PKIB: variants seen among roughly 807,000 people sequenced by gnomAD.
The protein encoded by PKIB is cAMP-dependent protein kinase inhibitor beta.
PKIB carries 2 observed loss-of-function variants against 4.5 expected under a neutral mutation model. The ratio of observed to expected loss-of-function variants is 0.44; its 90% CI spans 0.18 to 1.39. PKIB has a LOEUF of 1.39. Among genes scored for constraint, PKIB ranks in the 40% most tolerant of loss-of-function variants. The pLI is 0.27. For missense variants in PKIB, 94 were observed against 92.6 expected, an observed-to-expected ratio of 1.02 and a Z score of -0.06; for synonymous variants, 38 against 36.0, an observed-to-expected ratio of 1.06 and a Z score of -0.20.
rs113616170 is a variant in PKIB at position 122,725,363 on chromosome 6, A to G, written c.*168A>G. The G allele has an allele frequency of 1.7e-6, 1 of 602,476 alleles. No homozygotes were observed. The allele number at this position is 602,476 out of a possible 1,614,324, so 37.3% of individuals were successfully genotyped here. ...GATGCTACTCACTTTGATTGCAATGATGATGTCCAAGGTAAGCTATTAAAA... is the reference window on the plus strand; with the variant it reads ...GATGCTACTCACTTTGATTGCAATGGTGATGTCCAAGGTAAGCTATTAAAA... On this transcript the variant is annotated 3_prime_UTR_variant, in exon 5 of 5. Coordinates refer to ENST00000368452, the MANE Select transcript of PKIB (RefSeq NM_181795.3).
At chr6:122,601,925 G>A (rs920696401) in intron 3 of PKIB, among the ~76,000 whole-genome samples, 1 of 151,908 alleles carries the variant, frequency 6.6e-6, no homozygotes, top group Non-Finnish European at 1.5e-5. Flanking sequence ...TTGTTTAAGG[G>A]TCACCTGTAG....
chr6:122,523,614 C>G (rs1777012119), intron 2 of PKIB, among the ~76,000 whole-genome samples: 1 of 152,060 alleles, frequency 6.6e-6, no homozygotes, highest in Non-Finnish European at 1.5e-5. Flanking sequence ...GAAAACCCAT[C>G]TCTACTAAAA....
At chr6:122,502,327 T>G (rs761898942) in intron 2 of PKIB, among the ~76,000 whole-genome samples, 70 of 152,124 alleles carry the variant, frequency 4.6e-4, no homozygotes, top group Non-Finnish European at 9.9e-4. Context: ...ACCAATTTTC[T>G]GTAGTAGTCT....
At chr6:122,600,205 T>C (rs943265008) in intron 3 of PKIB, among the ~76,000 whole-genome samples, 3 of 152,092 alleles carry the variant, frequency 2.0e-5, no homozygotes, top group African/African-American at 7.2e-5. Context: ...GGGAGAAAGA[T>C]GTAGGCTGGG....
intron 2 of PKIB, among the ~76,000 whole-genome samples, chr6:122,491,937 T>C (rs1382156047): frequency 6.6e-6 from 1 of 152,216 alleles, no homozygotes; most frequent in Non-Finnish European, 1.5e-5. Flanking sequence ...TTTAGTTATA[T>C]GTTAGAATTA....
intron 2 of PKIB, among the ~76,000 whole-genome samples, chr6:122,564,508 T>A (rs1404327872): frequency 6.6e-6 from 1 of 152,212 alleles, no homozygotes; most frequent in Non-Finnish European, 1.5e-5. Context: ...AGTGGTTTAT[T>A]TGTTTAACCA....
intron 3 of PKIB, among the ~76,000 whole-genome samples, chr6:122,715,764 G>A (rs1265418130): frequency 6.6e-6 from 1 of 151,666 alleles, no homozygotes; most frequent in Non-Finnish European, 1.5e-5. Flanking sequence ...AATAAAGGCA[G>A]AATCTAAAGT....
chr6:122,600,465 GAAC>G (rs1027437354), intron 3 of PKIB, among the ~76,000 whole-genome samples: 1 of 152,100 alleles, frequency 6.6e-6, no homozygotes, highest in Non-Finnish European at 1.5e-5. Flanking sequence ...GGAGCATAGG[GAAC>G]AACAAGAAAA....
At chr6:122,651,487 C>T (rs925559071) in intron 2 of PKIB, among the ~76,000 whole-genome samples, 7 of 152,116 alleles carry the variant, frequency 4.6e-5, no homozygotes, top group Non-Finnish European at 7.4e-5. Context: ...CTTTAGGCAA[C>T]GCAGAGTTAA....
At chr6:122,695,603 A>T (rs967874421) in intron 3 of PKIB, among the ~76,000 whole-genome samples, 4 of 152,144 alleles carry the variant, frequency 2.6e-5, no homozygotes, top group Non-Finnish European at 4.4e-5. Context: ...TGATTCAGGC[A>T]TATTGTAGAT....
chr6:122,670,730 T>C (rs564936081), intron 2 of PKIB, among the ~76,000 whole-genome samples: 1 of 152,316 alleles, frequency 6.6e-6, no homozygotes, highest in Non-Finnish European at 1.5e-5. Context: ...TTCATTTGAG[T>C]TGGTGGACAG....
At chr6:122,671,907 G>GA (rs1224875415) in intron 2 of PKIB, among the ~76,000 whole-genome samples, 1 of 151,946 alleles carries the variant, frequency 6.6e-6, no homozygotes, top group Non-Finnish European at 1.5e-5. Context: ...ATATTTGGAA[G>GA]AAAAAATAAG....
intron 3 of PKIB, among the ~76,000 whole-genome samples, chr6:122,705,000 G>A (rs1471324556): frequency 6.6e-6 from 1 of 152,158 alleles, no homozygotes; most frequent in African/African-American, 2.4e-5. Flanking sequence ...AGGCTGCAGT[G>A]AGTTGTGATC....
rs560858572 is a variant in PKIB at position 122,509,038 on chromosome 6, C to T, written c.-248+31099C>T. On this transcript the variant is annotated intron_variant, in intron 2 of 6. Transcript: ENST00000392491. ...TGCTGGGATTACAGGCGTGAGCCAC[C>T]GCGCCCGGCCTAAAATTTTTTAATA... is the stretch of plus-strand genomic sequence containing the variant. Among the ~76,000 whole-genome samples the T allele has an allele frequency of 7.2e-5, 11 of 152,210 alleles. No homozygotes were observed. The East Asian group carries it at 7.7e-4, about 11-fold the overall frequency.
At chr6:122,473,283 G>A (rs527407613) in intron 1 of PKIB, among the ~76,000 whole-genome samples, 7 of 152,286 alleles carry the variant, frequency 4.6e-5, no homozygotes, top group South Asian at 2.1e-4. Context: ...CTTTAAGGTC[G>A]TAAAGAATAT....
At chr6:122,535,868 C>T (rs1460402847) in intron 2 of PKIB, among the ~76,000 whole-genome samples, 2 of 152,112 alleles carry the variant, frequency 1.3e-5, no homozygotes, top group African/African-American at 2.4e-5. Flanking sequence ...GTACTTGGCA[C>T]TTTGAGTCAA....
intron 2 of PKIB, among the ~76,000 whole-genome samples, chr6:122,493,844 C>G (rs1776004075): frequency 6.6e-6 from 1 of 152,124 alleles, no homozygotes; most frequent in African/African-American, 2.4e-5. Context: ...ATATTGAATT[C>G]TGGACCACAG....
chr6:122,488,004 T>C (rs1410752142), intron 2 of PKIB, among the ~76,000 whole-genome samples: 1 of 152,194 alleles, frequency 6.6e-6, no homozygotes. Context: ...TTTCTCTCTT[T>C]AGTAAGTATT....
At chr6:122,723,925 A>T (rs1779839979) in intron 4 of PKIB, among the ~76,000 whole-genome samples, 1 of 151,990 alleles carries the variant, frequency 6.6e-6, no homozygotes, top group African/African-American at 2.4e-5. Context: ...TTCTCATCAG[A>T]TTTTCCTTGA....
Sources: gnomAD v4.1 joint callset for allele counts (sites outside exome capture counted in the v4.1 genomes callset) on GRCh38, gnomAD v4.1.1 for gene constraint, MANE v1.5 for transcripts, NCBI Gene and HGNC (gene_info 2026-07-23, HGNC 2026-07-21) for gene names.